MARCHF1: variants seen among roughly 807,000 people sequenced by gnomAD.
MARCHF1 encodes the protein membrane associated ring-CH-type finger 1.
Under a neutral mutation model 54.2 loss-of-function variants are expected in MARCHF1, and 40 were observed. The observed-to-expected ratio is 0.74, with a 90% CI of 0.57 to 0.96. The LOEUF is 0.96. Ranked by LOEUF, MARCHF1 falls within the 40% of genes least tolerant of loss-of-function variation. The probability of loss-of-function intolerance (pLI) is 0.00; values close to 1 mark genes in which losing one functional copy is unlikely to be tolerated. For synonymous variants in MARCHF1, 236 were observed against 236.3 expected, an observed-to-expected ratio of 1.00 and a Z score of 0.01; for missense variants, 586 against 656.5, an observed-to-expected ratio of 0.89 and a Z score of 1.17.
At chr4:163,665,078 G>A (rs58425242) in intron 5 of MARCHF1, among the ~76,000 whole-genome samples, 7,191 of 151,910 alleles carry the variant, frequency 0.047, 200 homozygotes, top group Middle Eastern at 0.075. Context: ...AATTCCGCTG[G>A]GTCTATCTTA....
intron 1 of MARCHF1, among the ~76,000 whole-genome samples, chr4:164,220,355 T>C (rs1340576427): frequency 6.8e-6 from 1 of 146,956 alleles, no homozygotes; most frequent in Non-Finnish European, 1.5e-5. Flanking sequence ...TATGAATCCC[T>C]ATATACATAT....
intron 7 of MARCHF1, among the ~76,000 whole-genome samples, chr4:163,604,335 T>C (rs1336580560): frequency 6.6e-6 from 1 of 152,192 alleles, no homozygotes; most frequent in Non-Finnish European, 1.5e-5. Flanking sequence ...TTGCTCTTGG[T>C]AGGGTAGTAA....
chr4:163,894,677 T>C lies in MARCHF1; in HGVS notation c.-38-40508A>G, dbSNP rs192333515. Among the ~76,000 whole-genome samples, 4 of 63,692 alleles carry C rather than the reference T, an allele frequency of 6.3e-5. 1 individual carries two copies. In the East Asian group the frequency reaches 2.2e-3, roughly 35 times the overall value. The allele number at this position is 63,692 out of a possible 152,430, so 41.8% of individuals were successfully genotyped here. ...CATATATATGCATGTGATGCATATA[T>C]ATGCATGTGATGCATATATATATGC... is the stretch of plus-strand genomic sequence containing the variant. On this transcript the variant is annotated intron_variant, in intron 3 of 9. Coordinates refer to ENST00000514618, the MANE Select transcript of MARCHF1 (RefSeq NM_001394959.1).
At chr4:163,783,077 A>G (rs994994350) in intron 4 of MARCHF1, among the ~76,000 whole-genome samples, 1 of 152,206 alleles carries the variant, frequency 6.6e-6, no homozygotes, top group Non-Finnish European at 1.5e-5. Flanking sequence ...TAAATTCTCA[A>G]ATTGATAAAA....
intron 3 of MARCHF1, among the ~76,000 whole-genome samples, chr4:163,901,827 A>C (rs1210294926): frequency 6.6e-6 from 1 of 152,196 alleles, no homozygotes; most frequent in African/African-American, 2.4e-5. Context: ...GGAACTTCAG[A>C]ACCAACAACG....
At chr4:164,222,646 AAGAG>A in intron 1 of MARCHF1, among the ~76,000 whole-genome samples, 1 of 151,336 alleles carries the variant, frequency 6.6e-6, no homozygotes. Context: ...GGGAACCAGG[AAGAG>A]AGAGAGAGAG....
At chr4:164,119,735 T>G (rs1756023849) in intron 1 of MARCHF1, among the ~76,000 whole-genome samples, 2 of 151,902 alleles carry the variant, frequency 1.3e-5, no homozygotes, top group African/African-American at 4.8e-5. Flanking sequence ...CAAATAAATT[T>G]GAAACTAAGG....
At chr4:164,189,975 C>T in intron 1 of MARCHF1, 4 of 1,511,770 alleles carry the variant, frequency 2.6e-6, no homozygotes, top group Non-Finnish European at 2.8e-6. Flanking sequence ...TCACCTGACA[C>T]CTGAAGAAAT....
At chr4:164,193,538 GCCTCTTTC>G (rs1731177933) in intron 1 of MARCHF1, among the ~76,000 whole-genome samples, 1 of 152,034 alleles carries the variant, frequency 6.6e-6, no homozygotes, top group East Asian at 1.9e-4. Context: ...CAGTAAGAAT[GCCTCTTTC>G]ACTTGGATTT....
chr4:163,602,295 G>T (rs1345421805), intron 7 of MARCHF1, among the ~76,000 whole-genome samples: 2 of 152,052 alleles, frequency 1.3e-5, no homozygotes, highest in African/African-American at 4.8e-5. Flanking sequence ...AATATTTACT[G>T]ACAACTGCAG....
chr4:164,265,502 G>GGACCTCCTGAGTAGCTGT (rs1733588393), intron 1 of MARCHF1, among the ~76,000 whole-genome samples: 1 of 118,794 alleles, frequency 8.4e-6, no homozygotes, highest in African/African-American at 4.3e-5. Flanking sequence ...TGAGTAGCTG[G>GGACCTCCTGAGTAGCTGT]GACCACACAC....
rs190347840 is a variant in MARCHF1 at position 163,918,263 on chromosome 4, T to G, written c.-38-64094A>C. Among the ~76,000 whole-genome samples the G allele has an allele frequency of 2.9e-4, 44 of 152,232 alleles. 2 individuals carry two copies. In the East Asian group the frequency reaches 8.1e-3, roughly 28 times the overall value. ...GACCATTTTTAATAGATTTTGCATT[T>G]TCTTCTTTTGAGTTGCAAAGACTTG... On this transcript the variant is annotated intron_variant, in intron 3 of 9. Transcript: ENST00000514618.
At chr4:164,166,952 A>C (rs1046319945) in intron 1 of MARCHF1, among the ~76,000 whole-genome samples, 1 of 151,376 alleles carries the variant, frequency 6.6e-6, no homozygotes, top group African/African-American at 2.4e-5. Flanking sequence ...ATAAATCTTT[A>C]TATTTATAAA....
At chr4:164,095,617 A>C (rs902528086) in intron 2 of MARCHF1, among the ~76,000 whole-genome samples, 1 of 152,210 alleles carries the variant, frequency 6.6e-6, no homozygotes, top group African/African-American at 2.4e-5. Flanking sequence ...CACTAATTAT[A>C]GTTTCATTAT....
chr4:164,305,140 C>T (rs746121503), intron 1 of MARCHF1, among the ~76,000 whole-genome samples: 5 of 152,054 alleles, frequency 3.3e-5, no homozygotes, highest in Non-Finnish European at 5.9e-5. Context: ...AGACACCATA[C>T]TAGTACTGTG....
intron 1 of MARCHF1, among the ~76,000 whole-genome samples, chr4:164,152,691 T>A (rs1729973312): frequency 6.6e-6 from 1 of 152,106 alleles, no homozygotes; most frequent in African/African-American, 2.4e-5. Context: ...TCAAGTTCGA[T>A]AAAAAACAAT....
At chr4:164,197,548 G>T in intron 1 of MARCHF1, 1 of 1,613,400 alleles carries the variant, frequency 6.2e-7, no homozygotes, top group Non-Finnish European at 8.5e-7. Context: ...TGAGATTGAG[G>T]TGAGGCCTCC....
chr4:163,790,103 G>A (rs1747733753), intron 4 of MARCHF1, among the ~76,000 whole-genome samples: 1 of 152,050 alleles, frequency 6.6e-6, no homozygotes, highest in Admixed American at 6.6e-5. Context: ...TTTCTTTGTA[G>A]CACTTGGTAG....
chr4:163,826,163 C>T (rs1748841883), intron 4 of MARCHF1, among the ~76,000 whole-genome samples: 1 of 151,784 alleles, frequency 6.6e-6, no homozygotes, highest in East Asian at 1.9e-4. Flanking sequence ...ATTTACTTAC[C>T]TATTAATTTA....
Sources: gnomAD v4.1 joint callset for allele counts (sites outside exome capture counted in the v4.1 genomes callset) on GRCh38, gnomAD v4.1.1 for gene constraint, MANE v1.5 for transcripts, NCBI Gene and HGNC (gene_info 2026-07-23, HGNC 2026-07-21) for gene names.